The following TRHDE variants were observed in gnomAD, a reference collection of about 807,000 sequenced individuals.
The protein encoded by TRHDE is thyrotropin releasing hormone degrading enzyme, also known as thyrotropin-releasing hormone-degrading ectoenzyme.
TRHDE carries 72 observed loss-of-function variants against 125.7 expected under a neutral mutation model. The observed-to-expected ratio is 0.57, with a 90% confidence interval of 0.47 to 0.70. TRHDE has a LOEUF of 0.70. Among genes scored for constraint, TRHDE ranks in the 30% least tolerant of loss-of-function variants. The pLI is 0.00. For missense variants in TRHDE, 1,110 were observed against 1,327.1 expected (o/e 0.84, Z 2.54); for synonymous variants, 509 against 509.1 (o/e 1.00, Z 0.00).
chr12:72,614,337 T>A (rs1872738960), intron 12 of TRHDE, among the ~76,000 whole-genome samples: 1 of 147,878 alleles, frequency 6.8e-6, no homozygotes, highest in African/African-American at 2.5e-5. Flanking sequence ...TATATTTTTT[T>A]TTTCTCTAGA....
At position 72,515,549 on chromosome 12, in the gene TRHDE, C is replaced by T. The variant is rs912704781; in HGVS notation, c.1722+15914C>T. On this transcript the variant is annotated intron_variant, in intron 6 of 18. Transcript: ENST00000261180. ...TAGATTCTAGATATTAGCCCTTTGT[C>T]AGATGAGTAGGTTGCGAAAATTTTC... is the stretch of plus-strand genomic sequence containing the variant. 7.9e-5 allele frequency among the ~76,000 whole-genome samples: 12 copies of T among 152,238 alleles called. No individual in the cohort carries two copies. The South Asian group carries it at 2.5e-3, about 32-fold the overall frequency.
intron 2 of TRHDE, among the ~76,000 whole-genome samples, chr12:72,129,842 A>T (rs1475364414): frequency 6.6e-6 from 1 of 152,234 alleles, no homozygotes; most frequent in Non-Finnish European, 1.5e-5. Context: ...ACCAATTAAA[A>T]ATGTAATAGA....
intron 15 of TRHDE, among the ~76,000 whole-genome samples, chr12:72,640,515 A>C (rs1202325812): frequency 1.3e-5 from 2 of 152,174 alleles, no homozygotes; most frequent in Non-Finnish European, 2.9e-5. Context: ...CTATTCGGCC[A>C]TCTTCTTCAC....
intron 17 of TRHDE, among the ~76,000 whole-genome samples, chr12:72,654,150 T>TTTAAC (rs1177278524): frequency 6.6e-6 from 1 of 152,138 alleles, no homozygotes; most frequent in Non-Finnish European, 1.5e-5. Flanking sequence ...TATACAAACA[T>TTTAAC]TTAACTTAAA....
At chr12:72,637,832 C>A (rs1345312880) in intron 15 of TRHDE, among the ~76,000 whole-genome samples, 1 of 151,456 alleles carries the variant, frequency 6.6e-6, no homozygotes, top group Non-Finnish European at 1.5e-5. Context: ...GATTCTTAAT[C>A]CTGAGTTCTA....
At chr12:72,119,662 T>A (rs1405944584) in intron 2 of TRHDE, among the ~76,000 whole-genome samples, 1 of 152,134 alleles carries the variant, frequency 6.6e-6, no homozygotes, top group African/African-American at 2.4e-5. Context: ...TGTATTGGGG[T>A]CTATCTCTCT....
At chr12:72,188,943 G>A (rs996980493) in intron 2 of TRHDE, among the ~76,000 whole-genome samples, 2 of 152,130 alleles carry the variant, frequency 1.3e-5, no homozygotes, top group Non-Finnish European at 2.9e-5. Context: ...CAGGAGAAAG[G>A]CCTTTGGAGA....
intron 2 of TRHDE, among the ~76,000 whole-genome samples, chr12:72,359,015 A>G (rs1359837077): frequency 6.6e-6 from 1 of 151,594 alleles, no homozygotes; most frequent in Non-Finnish European, 1.5e-5. Context: ...ATGTTTAGGT[A>G]TGTTTCACTC....
At chr12:72,577,818 C>T (rs1871066689) in intron 12 of TRHDE, among the ~76,000 whole-genome samples, 1 of 151,956 alleles carries the variant, frequency 6.6e-6, no homozygotes, top group African/African-American at 2.4e-5. Flanking sequence ...TTTTGGGAGC[C>T]TTAAAAGTTG....
intron 3 of TRHDE, among the ~76,000 whole-genome samples, chr12:72,432,442 C>T (rs998472103): frequency 6.6e-6 from 1 of 152,280 alleles, no homozygotes; most frequent in South Asian, 2.1e-4. Context: ...AGTAAACAAC[C>T]TTGTTTAAGA....
rs1245042814 is a variant in TRHDE at position 72,273,630 on chromosome 12, C to G, written c.914+73C>G. ...TCGAACCTCTGGGCGGCCTGCGACC[C>G]CGGGGACCCAGCTGGCTTCCAATAC... is the stretch of plus-strand genomic sequence containing the variant. On this transcript the variant is annotated intron_variant, in intron 1 of 18. Transcript: ENST00000261180. The surrounding 1 kb of genome is among the most constrained non-coding windows in gnomAD (Gnocchi z 5.3). 7.0e-7 allele frequency: 1 copy of G among 1,428,974 alleles called. No individual in the cohort carries two copies. Among genetic ancestry groups the G allele is most frequent in the African/African-American group, 1.4e-5 (1 of 70,382 alleles). The allele number at this position is 1,428,974 out of a possible 1,614,324, so 88.5% of individuals were successfully genotyped here.
At chr12:72,474,779 C>T (rs1367411409) in intron 5 of TRHDE, among the ~76,000 whole-genome samples, 1 of 151,624 alleles carries the variant, frequency 6.6e-6, no homozygotes, top group Non-Finnish European at 1.5e-5. Context: ...ATTTGAAGAA[C>T]ACGTAAACCA....
intron 1 of TRHDE, among the ~76,000 whole-genome samples, chr12:72,283,919 G>A (rs1186801445): frequency 4.6e-5 from 7 of 150,842 alleles, no homozygotes; most frequent in Non-Finnish European, 1.0e-4. Context: ...ATATTTCATG[G>A]AAAAATATAT....
chr12:72,603,953 T>C (rs1317647818), intron 12 of TRHDE, among the ~76,000 whole-genome samples: 1 of 152,040 alleles, frequency 6.6e-6, no homozygotes, highest in Non-Finnish European at 1.5e-5. Flanking sequence ...AATAATCCAG[T>C]GGCTAGAATA....
intron 2 of TRHDE, among the ~76,000 whole-genome samples, chr12:72,354,110 G>T (rs1870708047): frequency 6.6e-6 from 1 of 151,474 alleles, no homozygotes; most frequent in African/African-American, 2.4e-5. Context: ...AAATTCACTA[G>T]ATTTTACATG....
intron 1 of TRHDE, among the ~76,000 whole-genome samples, chr12:72,092,850 T>C (rs974246585): frequency 1.3e-5 from 2 of 152,194 alleles, no homozygotes; most frequent in Non-Finnish European, 2.9e-5. Context: ...ACAACTTACA[T>C]GTATTATCAG....
chr12:72,096,020 G>C (rs1237517377), intron 1 of TRHDE, among the ~76,000 whole-genome samples: 1 of 152,150 alleles, frequency 6.6e-6, no homozygotes, highest in Non-Finnish European at 1.5e-5. Flanking sequence ...TTGAACTGCT[G>C]CTTTGGCATC....
At chr12:72,594,505 T>G (rs1410793615) in intron 12 of TRHDE, among the ~76,000 whole-genome samples, 1 of 150,048 alleles carries the variant, frequency 6.7e-6, no homozygotes, top group Non-Finnish European at 1.5e-5. Flanking sequence ...GATGTGAGTT[T>G]TTTTTTTTTT....
In TRHDE at chr12:72,657,982, G is replaced by A. The variant is rs570832948; in HGVS notation, c.3066+974G>A. ...CCACACTGAGCACCATTCCCTAGAA[G>A]CATCAACCCTGGCACCATCCTTAAT... On this transcript the variant is annotated intron_variant, in intron 18 of 18. Coordinates refer to ENST00000261180, the MANE Select transcript of TRHDE (RefSeq NM_013381.3). Among the ~76,000 whole-genome samples, 70 of 152,218 alleles carry A rather than the reference G, an allele frequency of 4.6e-4. 1 individual carries two copies. The highest frequency in any genetic ancestry group is 2.0e-3 in the Admixed American group (31 of 15,270).
Sources: allele counts gnomAD v4.1 joint callset (sites outside exome capture counted in the v4.1 genomes callset), GRCh38; gene constraint gnomAD v4.1.1; non-coding constraint Gnocchi (gnomAD v3.1); transcripts MANE v1.5; gene names NCBI Gene and HGNC (gene_info 2026-07-23, HGNC 2026-07-21).